Variants in TULP4 observed in about 807,000 individuals in gnomAD.
The protein encoded by TULP4 is tubby-related protein 4.
TULP4 carries 16 observed loss-of-function variants against 129.0 expected under a neutral mutation model. The ratio of observed to expected loss-of-function variants is 0.12; its 90% CI spans 0.08 to 0.19. The LOEUF is 0.19. TULP4 is among the 10% of genes least tolerant of loss of function. The probability of loss-of-function intolerance (pLI) is 1.00; values close to 1 mark genes in which losing one functional copy is unlikely to be tolerated. For synonymous variants in TULP4, 998 were observed against 854.0 expected, an observed-to-expected ratio of 1.17 and a Z score of -2.94; for missense variants, 1,842 against 2,059.1, an observed-to-expected ratio of 0.89 and a Z score of 2.04.
intron 1 of TULP4, chr6:158,242,110 T>C (rs1231118052): frequency 9.4e-6 from 8 of 849,012 alleles, no homozygotes; most frequent in South Asian, 5.3e-5. Flanking sequence ...TGTTTGACCC[T>C]GAAGCTGCAG....
intron 3 of TULP4, among the ~76,000 whole-genome samples, chr6:158,430,628 A>G (rs766001047): frequency 1.3e-5 from 2 of 152,052 alleles, no homozygotes; most frequent in Non-Finnish European, 2.9e-5. Context: ...GGCGCCTGTA[A>G]TGCCAGCTGC....
intron 1 of TULP4, among the ~76,000 whole-genome samples, chr6:158,396,032 G>A (rs1363956934): frequency 2.0e-5 from 3 of 152,144 alleles, no homozygotes; most frequent in Non-Finnish European, 4.4e-5. Flanking sequence ...TTTAACAGCT[G>A]TGATTATGAA....
intron 1 of TULP4, among the ~76,000 whole-genome samples, chr6:158,257,263 G>C (rs1778264943): frequency 6.6e-6 from 1 of 152,036 alleles, no homozygotes; most frequent in Admixed American, 6.6e-5. Flanking sequence ...TCACCACTCA[G>C]GTCAGCCTCA....
At chr6:158,444,511 A>G (rs1778986571) in intron 3 of TULP4, among the ~76,000 whole-genome samples, 1 of 152,148 alleles carries the variant, frequency 6.6e-6, no homozygotes, top group African/African-American at 2.4e-5. Context: ...AAACTCTTAC[A>G]AAAGAGTGAA....
At chr6:158,241,602 G>GT (rs529922763) in intron 1 of TULP4, among the ~76,000 whole-genome samples, 4,141 of 147,410 alleles carry the variant, frequency 0.028, 83 homozygotes, top group Middle Eastern at 0.052. Context: ...GCGTGAAATT[G>GT]TTTTTTTTTT....
rs1482053200 is a variant in TULP4 at position 158,508,524 on chromosome 6, T to C, written c.*1830T>C. 2.0e-5 allele frequency: 3 copies of C among 152,624 alleles called. No individual in the cohort carries two copies. The highest frequency in any genetic ancestry group is 2.0e-4 in the Admixed American group (3 of 15,280). The allele number at this position is 152,624 out of a possible 1,614,324, so 9.5% of individuals were successfully genotyped here. On this transcript the variant is annotated 3_prime_UTR_variant, in exon 14 of 14. Transcript: ENST00000367097. ...CTAATACCAGTTTCTCATTTATATT[T>C]AACGTATTGGACCTGATATTTTTAG...
chr6:158,258,168 G>C (rs369288967), intron 1 of TULP4, among the ~76,000 whole-genome samples: 1 of 152,334 alleles, frequency 6.6e-6, no homozygotes, highest in South Asian at 2.1e-4. Context: ...AAGGGAATTC[G>C]TTGGAAGGAT....
intron 1 of TULP4, among the ~76,000 whole-genome samples, chr6:158,378,485 T>TTTTTTGTTG (rs1554285635): frequency 1.9e-5 from 1 of 51,288 alleles, no homozygotes; most frequent in African/African-American, 7.7e-5. Context: ...TTTTTTTTTT[T>TTTTTTGTTG]GGTGGGGGTG....
At chr6:158,416,328 C>T (rs1424791955) in intron 2 of TULP4, among the ~76,000 whole-genome samples, 1 of 152,170 alleles carries the variant, frequency 6.6e-6, no homozygotes, top group Admixed American at 6.5e-5. Flanking sequence ...TCAGTATTAA[C>T]GATCACACCC....
chr6:158,287,889 T>G (rs1294817345), intron 1 of TULP4, among the ~76,000 whole-genome samples: 1 of 152,102 alleles, frequency 6.6e-6, no homozygotes, highest in East Asian at 1.9e-4. Flanking sequence ...CTGAGGAGGG[T>G]GTTCTTAGCC....
chr6:158,232,686 CAG>C (rs1481122421), intron 1 of TULP4, among the ~76,000 whole-genome samples: 1 of 151,990 alleles, frequency 6.6e-6, no homozygotes, highest in Non-Finnish European at 1.5e-5. Flanking sequence ...ATTGTGGAGA[CAG>C]AAAATCCCTG....
intron 1 of TULP4, among the ~76,000 whole-genome samples, chr6:158,326,787 A>T (rs930430690): frequency 6.6e-6 from 1 of 152,168 alleles, no homozygotes; most frequent in African/African-American, 2.4e-5. Context: ...CATGACTTTA[A>T]ATATATTATC....
intron 1 of TULP4, among the ~76,000 whole-genome samples, chr6:158,353,395 G>A (rs958626620): frequency 6.6e-6 from 1 of 152,052 alleles, no homozygotes; most frequent in Non-Finnish European, 1.5e-5. Flanking sequence ...TCCCAAATTG[G>A]TGTTTTGCAA....
intron 8 of TULP4, 126 bp from the exon 9 acceptor site, chr6:158,489,462 T>G: frequency 2.5e-6 from 3 of 1,202,130 alleles, no homozygotes; most frequent in Non-Finnish European, 3.5e-6. Flanking sequence ...TTCTTTTTGG[T>G]TTCAACCTCT....
intron 5 of TULP4, among the ~76,000 whole-genome samples, chr6:158,461,282 G>A (rs1583902989): frequency 6.6e-6 from 1 of 152,028 alleles, no homozygotes; most frequent in African/African-American, 2.4e-5. Flanking sequence ...GTGGTGGCAC[G>A]CGCCCGTAGT....
chr6:158,406,943 CG>C (rs1777987918), intron 1 of TULP4, among the ~76,000 whole-genome samples: 1 of 152,204 alleles, frequency 6.6e-6, no homozygotes, highest in African/African-American at 2.4e-5. Context: ...GTTAGAGGCA[CG>C]GCGGTCCCCA....
At chr6:158,357,936 T>G (rs1451387203) in intron 1 of TULP4, among the ~76,000 whole-genome samples, 1 of 152,192 alleles carries the variant, frequency 6.6e-6, no homozygotes, top group Non-Finnish European at 1.5e-5. Context: ...GAGGTGAGGT[T>G]GGGTGTGACG....
At chr6:158,452,009 C>G (rs1019871782) in intron 4 of TULP4, 125 bp from the exon 5 acceptor site, 4 of 1,403,198 alleles carry the variant, frequency 2.9e-6, no homozygotes, top group Non-Finnish European at 3.9e-6. Context: ...AGGTAGCATC[C>G]CAATCCAGAG....
At chr6:158,337,478 T>C (rs1780072467) in intron 1 of TULP4, among the ~76,000 whole-genome samples, 1 of 152,112 alleles carries the variant, frequency 6.6e-6, no homozygotes. Context: ...ACTGAAGCAA[T>C]GGATAGTGAA....
Sources: allele counts gnomAD v4.1 joint callset (sites outside exome capture counted in the v4.1 genomes callset), GRCh38; gene constraint gnomAD v4.1.1; transcripts MANE v1.5; gene names NCBI Gene and HGNC (gene_info 2026-07-23, HGNC 2026-07-21).